The following RDM1 variants were observed in gnomAD, a reference collection of about 807,000 sequenced individuals.
The protein encoded by RDM1 is RAD52 motif containing 1.
A neutral mutation model predicts 27.7 loss-of-function variants in RDM1; 28 were observed. That is an observed-to-expected ratio of 1.01 (90% CI 0.75 to 1.39). The LOEUF is 1.39. Among genes scored for constraint, RDM1 ranks in the 40% most tolerant of loss-of-function variants. The pLI is 0.00. For synonymous variants in RDM1, 124 were observed against 127.5 expected, an observed-to-expected ratio of 0.97 and a Z score of 0.19; for missense variants, 277 against 337.3, an observed-to-expected ratio of 0.82 and a Z score of 1.40.
intron 5 of RDM1, among the ~76,000 whole-genome samples, chr17:35,921,982 A>G (rs952698714): frequency 3.5e-5 from 5 of 142,288 alleles, no homozygotes; most frequent in Non-Finnish European, 6.0e-5. Context: ...GAGCAGTGGC[A>G]CGATCTTGGC....
chr17:35,921,208 G>A (rs944042238), intron 5 of RDM1, among the ~76,000 whole-genome samples: 10 of 152,212 alleles, frequency 6.6e-5, no homozygotes, highest in Admixed American at 2.0e-4. Flanking sequence ...TGTATATTAG[G>A]GAGAGGTAAA....
chr17:35,926,069 G>A (rs1478399714), intron 2 of RDM1, among the ~76,000 whole-genome samples: 1 of 151,932 alleles, frequency 6.6e-6, no homozygotes, highest in Admixed American at 6.6e-5. Flanking sequence ...GGGAGGCAGA[G>A]GTTGCAGTGA....
intron 5 of RDM1, among the ~76,000 whole-genome samples, chr17:35,920,862 G>A (rs1237011308): frequency 6.6e-6 from 1 of 152,190 alleles, no homozygotes; most frequent in East Asian, 1.9e-4. Flanking sequence ...AATAAAAAAT[G>A]TGGAAACCAA....
intron 2 of RDM1, among the ~76,000 whole-genome samples, chr17:35,925,961 C>A (rs1276224460): frequency 6.6e-6 from 1 of 151,904 alleles, no homozygotes; most frequent in Non-Finnish European, 1.5e-5. Context: ...AGTGAAACCC[C>A]GTCTCTACGA....
intron 2 of RDM1, among the ~76,000 whole-genome samples, chr17:35,928,041 T>G (rs1305358538): frequency 6.6e-6 from 1 of 152,022 alleles, no homozygotes; most frequent in African/African-American, 2.4e-5. Flanking sequence ...GCTACTGAAG[T>G]GGGAGTAGTA....
intron 5 of RDM1, among the ~76,000 whole-genome samples, 184 bp from the exon 6 acceptor site, chr17:35,920,456 CTTT>C (rs60990791): frequency 2.5e-5 from 3 of 118,018 alleles, no homozygotes; most frequent in Non-Finnish European, 3.2e-5. Flanking sequence ...TTCTTTCTTT[CTTT>C]TTTTTTTTTT....
intron 4 of RDM1, 124 bp downstream of exon 4, chr17:35,924,480 C>A: frequency 9.8e-7 from 1 of 1,016,498 alleles, no homozygotes; most frequent in Non-Finnish European, 1.4e-6. Flanking sequence ...CCCAGGACTT[C>A]AGTAGCTCAG....
chr17:35,918,260 A>T lies in RDM1; in HGVS notation c.*82T>A. The stretch of plus-strand genomic sequence containing the variant: ...TGGTTCCAGGACTCCAGCAGCCTAT[A>T]GTGGTGGGGCGGCGTGGGGTAGGGG... On this transcript the variant is annotated 3_prime_UTR_variant, in exon 7 of 7. Transcript: ENST00000620284. The T allele has an allele frequency of 8.4e-7, 1 of 1,186,894 alleles. No individual in the cohort carries two copies. Among genetic ancestry groups the T allele is most frequent in the Non-Finnish European group, 1.2e-6 (1 of 804,208 alleles). 73.5% of individuals were successfully genotyped at this position (1,186,894 alleles called of 1,614,324 possible). A position where few individuals can be genotyped will look rare whatever the true frequency, so the allele number is the denominator to read the frequency against.
intron 1 of RDM1, 168 bp downstream of exon 1, chr17:35,930,464 T>C (rs2089289049): frequency 1.1e-6 from 1 of 870,046 alleles, no homozygotes; most frequent in Non-Finnish European, 1.7e-6. Flanking sequence ...TCTCCGGGAC[T>C]CTAAAAATCT....
At chr17:35,919,820 C>T (rs960715351) in intron 6 of RDM1, among the ~76,000 whole-genome samples, 4 of 152,158 alleles carry the variant, frequency 2.6e-5, no homozygotes, top group African/African-American at 9.7e-5. Context: ...AGCTGTAGCA[C>T]GATCATTCTT....
At chr17:35,930,322 A>G in intron 1 of RDM1, 67 bp from the exon 2 acceptor site, 1 of 1,596,556 alleles carries the variant, frequency 6.3e-7, no homozygotes, top group South Asian at 1.1e-5. Context: ...ACATGCCCTC[A>G]TATTCCCCAA....
At chr17:35,929,769 TG>T (rs2089264044) in intron 2 of RDM1, among the ~76,000 whole-genome samples, 1 of 152,108 alleles carries the variant, frequency 6.6e-6, no homozygotes, top group South Asian at 2.1e-4. Context: ...TTTATAGAGA[TG>T]GGGTCTCATT....
chr17:35,922,682 C>T lies in RDM1; in HGVS notation c.569-7G>A. 1 of 1,585,146 alleles carries T rather than the reference C, an allele frequency of 6.3e-7. No homozygotes were observed. Among genetic ancestry groups the T allele is most frequent in the Non-Finnish European group, 8.5e-7 (1 of 1,170,122 alleles). On this transcript the variant is annotated splice_polypyrimidine_tract_variant and splice_region_variant and intron_variant, in intron 4 of 6. Coordinates refer to ENST00000620284, the MANE Select transcript of RDM1 (RefSeq NM_145654.4). ...ATAAGGAATGATAATGGTCCTAAAT[C>T]CAACCAAAACAAATGGATTTAAGGT... is the stretch of plus-strand genomic sequence containing the variant.
Sources: gnomAD v4.1 joint callset for allele counts (sites outside exome capture counted in the v4.1 genomes callset) on GRCh38, gnomAD v4.1.1 for gene constraint, MANE v1.5 for transcripts, NCBI Gene and HGNC (gene_info 2026-07-23, HGNC 2026-07-21) for gene names.